The following CERS6 variants were observed in gnomAD, a reference collection of about 807,000 sequenced individuals.
The protein encoded by CERS6 is ceramide synthase 6, also known as LAG1 homolog, ceramide synthase 6.
CERS6 carries 26 observed loss-of-function variants against 56.8 expected under a neutral mutation model. The observed-to-expected ratio is 0.46, with a 90% confidence interval of 0.34 to 0.63. The LOEUF is 0.63. Among genes scored for constraint, CERS6 ranks in the 30% least tolerant of loss-of-function variants. The probability of loss-of-function intolerance (pLI) is 0.01; values close to 1 mark genes in which losing one functional copy is unlikely to be tolerated. For missense variants in CERS6, 415 were observed against 467.5 expected (o/e 0.89, Z 1.04); for synonymous variants, 164 against 173.3 (o/e 0.95, Z 0.42).
intron 3 of CERS6, among the ~76,000 whole-genome samples, chr2:168,580,556 C>T (rs1369889045): frequency 6.6e-6 from 1 of 152,112 alleles, no homozygotes; most frequent in African/African-American, 2.4e-5. Flanking sequence ...ACATTATTAA[C>T]CTTAAACAAC....
chr2:168,760,610 C>T (rs1490291822), intron 8 of CERS6, among the ~76,000 whole-genome samples: 1 of 152,144 alleles, frequency 6.6e-6, no homozygotes, highest in African/African-American at 2.4e-5. Context: ...AAAGTACATA[C>T]TCCTGAAGTA....
At chr2:168,754,314 CA>C (rs1462154600) in intron 8 of CERS6, among the ~76,000 whole-genome samples, 1 of 152,168 alleles carries the variant, frequency 6.6e-6, no homozygotes, top group Non-Finnish European at 1.5e-5. Context: ...GGTCAAAGGA[CA>C]TAATGCAAGT....
At chr2:168,656,778 T>C (rs1685484028) in intron 4 of CERS6, among the ~76,000 whole-genome samples, 1 of 152,072 alleles carries the variant, frequency 6.6e-6, no homozygotes, top group African/African-American at 2.4e-5. Flanking sequence ...GCAGCCTGCT[T>C]TTATTCTCTT....
At chr2:168,706,101 A>G (rs1574177137) in intron 6 of CERS6, among the ~76,000 whole-genome samples, 3 of 152,176 alleles carry the variant, frequency 2.0e-5, no homozygotes, top group African/African-American at 7.2e-5. Flanking sequence ...ATAGAAAGAC[A>G]TATGTACAAT....
chr2:168,581,629 A>G (rs896487373), intron 3 of CERS6, among the ~76,000 whole-genome samples: 1 of 151,996 alleles, frequency 6.6e-6, no homozygotes, highest in African/African-American at 2.4e-5. Context: ...GTTCTGTTTC[A>G]TCTTTTAAAA....
At chr2:168,730,653 G>T (rs1196091696) in intron 8 of CERS6, among the ~76,000 whole-genome samples, 2 of 151,684 alleles carry the variant, frequency 1.3e-5, no homozygotes, top group African/African-American at 4.8e-5. Flanking sequence ...CCTCAAATTC[G>T]TAACAAGCTC....
chr2:168,748,102 A>G (rs558929965), intron 8 of CERS6, among the ~76,000 whole-genome samples: 2 of 152,312 alleles, frequency 1.3e-5, no homozygotes, highest in Admixed American at 6.5e-5. Flanking sequence ...ATCAGATGCT[A>G]CCCAGATGCC....
intron 1 of CERS6, among the ~76,000 whole-genome samples, chr2:168,494,995 A>G (rs1453068280): frequency 6.6e-6 from 1 of 152,170 alleles, no homozygotes; most frequent in Non-Finnish European, 1.5e-5. Context: ...CCATAGGGTC[A>G]TTCTGAGGGT....
At chr2:168,666,987 C>A (rs538782729) in intron 4 of CERS6, among the ~76,000 whole-genome samples, 1 of 152,320 alleles carries the variant, frequency 6.6e-6, no homozygotes, top group Admixed American at 6.5e-5. Context: ...AATCTACATA[C>A]ATTTGATAAT....
intron 4 of CERS6, among the ~76,000 whole-genome samples, chr2:168,686,771 G>T (rs114705252): frequency 0.032 from 4,895 of 152,212 alleles, 104 homozygotes; most frequent in Non-Finnish European, 0.048. Flanking sequence ...CAGCTGTGTA[G>T]CCTTTAATTA....
chr2:168,472,447 C>T (rs1045912969), intron 1 of CERS6, among the ~76,000 whole-genome samples: 10 of 152,160 alleles, frequency 6.6e-5, no homozygotes, highest in South Asian at 2.1e-4. Flanking sequence ...TTATAGAGGA[C>T]GACAGAAGCT....
intron 6 of CERS6, among the ~76,000 whole-genome samples, chr2:168,702,880 G>A (rs1686838943): frequency 6.6e-6 from 1 of 151,980 alleles, no homozygotes; most frequent in African/African-American, 2.4e-5. Context: ...CGTGGTACTG[G>A]GTTTTCACCA....
intron 1 of CERS6, among the ~76,000 whole-genome samples, chr2:168,530,233 G>T (rs952482780): frequency 6.6e-6 from 1 of 152,232 alleles, no homozygotes; most frequent in Admixed American, 6.5e-5. Context: ...ATCGCATTCA[G>T]TGAGGTACAG....
At chr2:168,659,556 T>G (rs1182095336) in intron 4 of CERS6, among the ~76,000 whole-genome samples, 1 of 152,234 alleles carries the variant, frequency 6.6e-6, no homozygotes, top group Non-Finnish European at 1.5e-5. Context: ...AAAAGAAAGG[T>G]TAAGACTAAT....
rs115790448 is a variant in CERS6, at chr2:168,614,530, G to A, written c.408-16455G>A. 5.4e-4 allele frequency among the ~76,000 whole-genome samples: 83 copies of A among 152,298 alleles called. 1 individual carries two copies. The highest frequency in any genetic ancestry group is 1.8e-4 in the Non-Finnish European group (12 of 68,030). On this transcript the variant is annotated intron_variant, in intron 3 of 9. Transcript: ENST00000305747. ...GAAACAAACTTGGTGCTGTTGTGGG[G>A]TGCATGGTGGGAGTGACAGTGGCCT... is the stretch of plus-strand genomic sequence containing the variant.
intron 3 of CERS6, among the ~76,000 whole-genome samples, chr2:168,572,152 C>A (rs1435623464): frequency 4.6e-5 from 7 of 152,184 alleles, no homozygotes; most frequent in Non-Finnish European, 1.0e-4. Flanking sequence ...GCAAAGTTCT[C>A]TAACTCCTGT....
rs1215446833 is a variant in CERS6, at chr2:168,582,535, A to T, written c.407+21213A>T. Among the ~76,000 whole-genome samples, 3 of 152,338 alleles carry T rather than the reference A, an allele frequency of 2.0e-5. No individual in the cohort carries two copies. The East Asian group carries it at 5.8e-4, about 29-fold the overall frequency. ...TGCTGTGTCTGGGAAAGGAAGTATT[A>T]ATAAGACCTTAAATCATTTAATAAC... On this transcript the variant is annotated intron_variant, in intron 3 of 9. Coordinates refer to ENST00000305747, the MANE Select transcript of CERS6 (RefSeq NM_203463.3).
intron 4 of CERS6, among the ~76,000 whole-genome samples, chr2:168,664,814 A>G (rs534168148): frequency 2.0e-5 from 3 of 152,152 alleles, no homozygotes; most frequent in Non-Finnish European, 2.9e-5. Context: ...CTGACCTCCT[A>G]TCTCATCCTG....
chr2:168,506,587 G>A (rs370156148), intron 1 of CERS6, among the ~76,000 whole-genome samples: 1 of 152,192 alleles, frequency 6.6e-6, no homozygotes, highest in East Asian at 1.9e-4. Flanking sequence ...GGTTTGGGAA[G>A]TTTTTGACAA....
Sources: allele counts gnomAD v4.1 joint callset (sites outside exome capture counted in the v4.1 genomes callset), GRCh38; gene constraint gnomAD v4.1.1; transcripts MANE v1.5; gene names NCBI Gene and HGNC (gene_info 2026-07-23, HGNC 2026-07-21).